The following GALNTL6 variants were observed in gnomAD, a reference collection of about 807,000 sequenced individuals.
The protein encoded by GALNTL6 is polypeptide N-acetylgalactosaminyltransferase-like 6.
GALNTL6 carries 46 observed loss-of-function variants against 73.7 expected under a neutral mutation model. That is an observed-to-expected ratio of 0.62 (90% CI 0.49 to 0.80). The LOEUF (loss-of-function observed/expected upper bound fraction) is 0.80. Ranked by LOEUF, GALNTL6 falls within the 30% of genes least tolerant of loss-of-function variation. The probability of loss-of-function intolerance (pLI) is 0.00; values close to 1 mark genes in which losing one functional copy is unlikely to be tolerated. For synonymous variants in GALNTL6, 259 were observed against 263.7 expected (o/e 0.98, Z 0.17); for missense variants, 604 against 755.0 (o/e 0.80, Z 2.34).
Position 172,496,699 on chromosome 4 carries a change from G to A in GALNTL6, c.553+148010G>A, listed in dbSNP as rs553455390. Among the ~76,000 whole-genome samples the A allele has an allele frequency of 2.6e-3, 398 of 152,072 alleles. 3 individuals carry two copies. Among genetic ancestry groups the A allele is most frequent in the African/African-American group, 8.7e-3 (359 of 41,496 alleles). On this transcript the variant is annotated intron_variant, in intron 5 of 12. Transcript: ENST00000506823. ...CCTTATCTCAAAAAATAATTAATTA[G>A]TTGTACTTAGTGATACAGAAATATT...
At chr4:172,287,277 G>A (rs1337916117) in intron 3 of GALNTL6, among the ~76,000 whole-genome samples, 1 of 152,100 alleles carries the variant, frequency 6.6e-6, no homozygotes, top group Non-Finnish European at 1.5e-5. Flanking sequence ...CTCTGCCTCA[G>A]CCCTCCCTGC....
chr4:171,987,484 T>C (rs905471859), intron 2 of GALNTL6, among the ~76,000 whole-genome samples: 1 of 152,162 alleles, frequency 6.6e-6, no homozygotes, highest in Non-Finnish European at 1.5e-5. Flanking sequence ...AGTGAAAGTG[T>C]CTACCCAGAC....
At chr4:172,663,108 T>A (rs1163755037) in intron 5 of GALNTL6, among the ~76,000 whole-genome samples, 1 of 152,060 alleles carries the variant, frequency 6.6e-6, no homozygotes, top group Admixed American at 6.6e-5. Flanking sequence ...GGAGAATGGT[T>A]TAAGATGGGG....
At chr4:172,339,255 CACCACACACA>C (rs1561033960) in intron 4 of GALNTL6, among the ~76,000 whole-genome samples, 2 of 128,386 alleles carry the variant, frequency 1.6e-5, no homozygotes, top group African/African-American at 3.0e-5. Flanking sequence ...CACACACACA[CACCACACACA>C]CACACACACA....
chr4:172,814,984 G>A (rs1741519739), intron 7 of GALNTL6, among the ~76,000 whole-genome samples: 2 of 152,138 alleles, frequency 1.3e-5, no homozygotes, highest in Admixed American at 6.6e-5. Flanking sequence ...TTCCTCAAAT[G>A]CTTTGGCCAA....
At chr4:172,072,920 A>G (rs2110905300) in intron 2 of GALNTL6, among the ~76,000 whole-genome samples, 1 of 152,214 alleles carries the variant, frequency 6.6e-6, no homozygotes, top group East Asian at 1.9e-4. Flanking sequence ...CTGAATTCCC[A>G]TTTCACATGA....
chr4:172,546,806 A>ATACGTATATATTTG (rs1554034205), intron 5 of GALNTL6, among the ~76,000 whole-genome samples: 1 of 99,092 alleles, frequency 1.0e-5, no homozygotes, highest in African/African-American at 3.9e-5. Context: ...ACGTATATAT[A>ATACGTATATATTTG]CGTATATATA....
chr4:171,967,373 A>AAAAGC (rs1739414224), intron 2 of GALNTL6, among the ~76,000 whole-genome samples: 1 of 151,090 alleles, frequency 6.6e-6, no homozygotes, highest in Non-Finnish European at 1.5e-5. Context: ...CCCAGTTGAG[A>AAAAGC]CTTTAGGTCA....
intron 5 of GALNTL6, among the ~76,000 whole-genome samples, chr4:172,349,995 T>C (rs753705355): frequency 1.3e-5 from 2 of 152,104 alleles, no homozygotes; most frequent in Non-Finnish European, 2.9e-5. Context: ...ACAATGTAAA[T>C]GGCATATTCA....
At chr4:172,468,468 G>T (rs983733542) in intron 5 of GALNTL6, among the ~76,000 whole-genome samples, 4 of 152,000 alleles carry the variant, frequency 2.6e-5, no homozygotes, top group African/African-American at 9.7e-5. Context: ...ATAATCTATT[G>T]GGTACAAATG....
At chr4:171,824,079 A>T (rs1280590528) in intron 2 of GALNTL6, among the ~76,000 whole-genome samples, 8 of 14,458 alleles carry the variant, frequency 5.5e-4, no homozygotes, top group Non-Finnish European at 3.0e-3. Flanking sequence ...AATCCATTTT[A>T]TATATATATA....
intron 8 of GALNTL6, among the ~76,000 whole-genome samples, chr4:172,884,398 G>A (rs1019605303): frequency 6.6e-6 from 1 of 152,042 alleles, no homozygotes; most frequent in Non-Finnish European, 1.5e-5. Flanking sequence ...TCATATACCT[G>A]TTGGCCATTT....
intron 5 of GALNTL6, among the ~76,000 whole-genome samples, chr4:172,694,258 T>G (rs1733530730): frequency 6.6e-6 from 1 of 152,150 alleles, no homozygotes; most frequent in Non-Finnish European, 1.5e-5. Flanking sequence ...AAGCCCTGCA[T>G]GCATTAGGTA....
intron 11 of GALNTL6, among the ~76,000 whole-genome samples, chr4:173,014,313 T>C (rs1167704857): frequency 6.6e-6 from 1 of 152,142 alleles, no homozygotes. Context: ...GACTATAAGG[T>C]CTGGAAAGAA....
rs33972396 is a variant in GALNTL6, at chr4:172,183,794, C to CTT, written c.139-45846_139-45845dup. Among the ~76,000 whole-genome samples the CTT allele has an allele frequency of 3.4e-3, 458 of 134,604 alleles. 8 individuals carry two copies. Among genetic ancestry groups the CTT allele is most frequent in the South Asian group, 0.025 (104 of 4,186 alleles). 88.3% of individuals were successfully genotyped at this position (134,604 alleles called of 152,430 possible). On this transcript the variant is annotated intron_variant, in intron 2 of 12. Coordinates refer to ENST00000506823, the MANE Select transcript of GALNTL6 (RefSeq NM_001034845.3). ...ACAGTTTTGCTATTACTGTTGAAGA[C>CTT]TTTTTTTTTTTTTTTTTGAGACGGA...
chr4:172,216,114 ATCT>A (rs1736489360), intron 2 of GALNTL6, among the ~76,000 whole-genome samples: 3 of 152,162 alleles, frequency 2.0e-5, no homozygotes, highest in African/African-American at 7.2e-5. Flanking sequence ...ATTCCATATT[ATCT>A]TCATTTATTC....
At chr4:172,998,705 C>A (rs181434208) in intron 10 of GALNTL6, among the ~76,000 whole-genome samples, 188 of 152,308 alleles carry the variant, frequency 1.2e-3, no homozygotes, top group Non-Finnish European at 2.3e-3. Flanking sequence ...AAATTTGACA[C>A]TGCAGCTCAC....
intron 2 of GALNTL6, among the ~76,000 whole-genome samples, chr4:172,163,124 A>G (rs1315313246): frequency 1.3e-5 from 2 of 152,052 alleles, no homozygotes; most frequent in Non-Finnish European, 2.9e-5. Context: ...CTAACATTGT[A>G]GATTTCATAT....
At chr4:173,017,351 C>A (rs1752824728) in intron 11 of GALNTL6, among the ~76,000 whole-genome samples, 1 of 152,198 alleles carries the variant, frequency 6.6e-6, no homozygotes, top group African/African-American at 2.4e-5. Context: ...CTACATTCTT[C>A]TGTCAATAAG....
Sources: allele counts gnomAD v4.1 joint callset (sites outside exome capture counted in the v4.1 genomes callset), GRCh38; gene constraint gnomAD v4.1.1; transcripts MANE v1.5; gene names NCBI Gene and HGNC (gene_info 2026-07-23, HGNC 2026-07-21).